The following MDM4 variants were observed in gnomAD, a reference collection of about 807,000 sequenced individuals.
MDM4 encodes protein Mdm4.
MDM4 carries 2 observed loss-of-function variants against 60.2 expected under a neutral mutation model. The ratio of observed to expected loss-of-function variants is 0.03; its 90% CI spans 0.01 to 0.10. The LOEUF (loss-of-function observed/expected upper bound fraction) is 0.10. Among genes scored for constraint, MDM4 ranks in the 10% least tolerant of loss-of-function variants. The pLI, the probability that MDM4 is intolerant of heterozygous loss-of-function variation, is 1.00. For missense variants in MDM4, 447 were observed against 577.5 expected (o/e 0.77, Z 2.32); for synonymous variants, 202 against 198.1 (o/e 1.02, Z -0.17).
At chr1:204,546,758 C>T in intron 9 of MDM4, 39 bp from the exon 10 acceptor site, 2 of 1,393,936 alleles carry the variant, frequency 1.4e-6, no homozygotes, top group South Asian at 1.2e-5. Context: ...TCATCTAAAA[C>T]AAGTAAACAT....
At position 204,557,035 on chromosome 1, in the gene MDM4, C is replaced by T. The variant is rs1032470437; in HGVS notation, c.*7353C>T. The T allele has an allele frequency of 1.5e-5, 3 of 204,818 alleles. No individual in the cohort carries two copies. Among genetic ancestry groups the T allele is most frequent in the African/African-American group, 4.6e-5 (2 of 43,664 alleles). The allele number at this position is 204,818 out of a possible 1,614,324, so 12.7% of individuals were successfully genotyped here. A position where few individuals can be genotyped will look rare whatever the true frequency, so the allele number is the denominator to read the frequency against. On this transcript the variant is annotated 3_prime_UTR_variant, in exon 11 of 11. Coordinates refer to ENST00000367182, the MANE Select transcript of MDM4 (RefSeq NM_002393.5). ...TCATATATAAAAAGCAGTATACATA[C>T]CTACCCTTTTCTACCTCATCATTTG...
rs1292165369 is a variant in MDM4, at chr1:204,552,810, T to TA, written c.*3129dup. ...ACTAAGTACTTAGACGATCCTAAGA[T>TA]ATGTGCTTGAGCCGAATTTCATCTT... On this transcript the variant is annotated 3_prime_UTR_variant, in exon 11 of 11. Coordinates refer to ENST00000367182, the MANE Select transcript of MDM4 (RefSeq NM_002393.5). The TA allele has an allele frequency of 5.5e-6, 1 of 182,420 alleles. No homozygotes were observed. Among genetic ancestry groups the TA allele is most frequent in the Non-Finnish European group, 1.2e-5 (1 of 85,610 alleles). 11.3% of individuals were successfully genotyped at this position (182,420 alleles called of 1,614,324 possible).
At chr1:204,543,553 C>G (rs1193720437) in intron 8 of MDM4, among the ~76,000 whole-genome samples, 2 of 152,168 alleles carry the variant, frequency 1.3e-5, no homozygotes, top group Non-Finnish European at 2.9e-5. Flanking sequence ...ACACTGTTCC[C>G]CCACATTCTT....
chr1:204,531,828 G>A (rs1310217073), intron 4 of MDM4, among the ~76,000 whole-genome samples: 2 of 151,330 alleles, frequency 1.3e-5, no homozygotes, highest in Admixed American at 6.6e-5. Flanking sequence ...GCAAAACTCC[G>A]TCTCCAAAAA....
chr1:204,533,872 T>G (rs1270203819), intron 5 of MDM4, among the ~76,000 whole-genome samples: 1 of 151,356 alleles, frequency 6.6e-6, no homozygotes, highest in Non-Finnish European at 1.5e-5. Context: ...AGCCTTTACC[T>G]CCTGGGCTTA....
At chr1:204,525,742 G>C in intron 2 of MDM4, 146 bp downstream of exon 2, 1 of 605,352 alleles carries the variant, frequency 1.7e-6, no homozygotes, top group Non-Finnish European at 2.9e-6. Context: ...GACCAGCCTT[G>C]GCAACATAGT....
At chr1:204,537,883 C>T (rs546953825) in intron 6 of MDM4, 12 of 672,412 alleles carry the variant, frequency 1.8e-5, no homozygotes, top group African/African-American at 8.8e-5. Context: ...CATCTTGGTA[C>T]GTGGCGAGGG....
At chr1:204,539,074 G>A (rs1428876657) in intron 7 of MDM4, among the ~76,000 whole-genome samples, 1 of 152,024 alleles carries the variant, frequency 6.6e-6, no homozygotes, top group East Asian at 1.9e-4. Flanking sequence ...TCCCCACGTT[G>A]GTTAGGCTGG....
chr1:204,518,770 AT>A (rs1659252410), intron 1 of MDM4, among the ~76,000 whole-genome samples: 1 of 152,190 alleles, frequency 6.6e-6, no homozygotes, highest in African/African-American at 2.4e-5. Context: ...GGTTCAAGCT[AT>A]TCTTCTGCCG....
At chr1:204,540,250 A>G (rs1197203526) in intron 7 of MDM4, among the ~76,000 whole-genome samples, 1 of 149,276 alleles carries the variant, frequency 6.7e-6, no homozygotes, top group Non-Finnish European at 1.5e-5. Context: ...GTGCCACTGC[A>G]CTCCAGCCTG....
chr1:204,540,461 AC>A (rs1011732513), intron 7 of MDM4, among the ~76,000 whole-genome samples: 2 of 151,584 alleles, frequency 1.3e-5, no homozygotes, highest in Non-Finnish European at 2.9e-5. Flanking sequence ...TTTCCCCAAA[AC>A]TCTAAAAAAC....
At chr1:204,545,805 G>A (rs1662600551) in intron 9 of MDM4, among the ~76,000 whole-genome samples, 1 of 152,154 alleles carries the variant, frequency 6.6e-6, no homozygotes, top group Non-Finnish European at 1.5e-5. Flanking sequence ...GGGGTCACAG[G>A]CATGTGCAGC....
At chr1:204,534,207 G>A (rs1228828318) in intron 5 of MDM4, among the ~76,000 whole-genome samples, 4 of 152,172 alleles carry the variant, frequency 2.6e-5, no homozygotes, top group Non-Finnish European at 5.9e-5. Flanking sequence ...TGAGTCATAT[G>A]CCCACTTCAC....
chr1:204,555,503 T>C lies in MDM4; in HGVS notation c.*5821T>C, dbSNP rs954401693. On this transcript the variant is annotated 3_prime_UTR_variant, in exon 11 of 11. Coordinates refer to ENST00000367182, the MANE Select transcript of MDM4 (RefSeq NM_002393.5). ...GAGGGTCAAGGATACCTAAAAAGGGTCAAATAATGCTAGAAGAGCAATTCC... is the reference window on the plus strand; with the variant it reads ...GAGGGTCAAGGATACCTAAAAAGGGCCAAATAATGCTAGAAGAGCAATTCC... 1 of 169,614 alleles carries C rather than the reference T, an allele frequency of 5.9e-6. No homozygotes were observed. The highest frequency in any genetic ancestry group is 2.4e-5 in the African/African-American group (1 of 41,900). 10.5% of individuals were successfully genotyped at this position (169,614 alleles called of 1,614,324 possible). A position where few individuals can be genotyped will look rare whatever the true frequency, so the allele number is the denominator to read the frequency against.
intron 7 of MDM4, among the ~76,000 whole-genome samples, chr1:204,540,326 T>G (rs926094195): frequency 6.6e-5 from 10 of 151,812 alleles, no homozygotes; most frequent in Non-Finnish European, 1.5e-5. Flanking sequence ...ATCCCCAGGA[T>G]ATCTCATTAT....
At chr1:204,539,301 T>C (rs1462681230) in intron 7 of MDM4, among the ~76,000 whole-genome samples, 1 of 151,766 alleles carries the variant, frequency 6.6e-6, no homozygotes, top group Non-Finnish European at 1.5e-5. Flanking sequence ...TTTACACATT[T>C]TGAAGTTTGC....
intron 7 of MDM4, among the ~76,000 whole-genome samples, chr1:204,538,536 C>T (rs1661649809): frequency 6.6e-6 from 1 of 152,084 alleles, no homozygotes; most frequent in Non-Finnish European, 1.5e-5. Context: ...CATGAGCTAG[C>T]ATGCTACTAG....
At chr1:204,542,478 A>G (rs1388396201) in intron 7 of MDM4, among the ~76,000 whole-genome samples, 1 of 152,156 alleles carries the variant, frequency 6.6e-6, no homozygotes, top group Non-Finnish European at 1.5e-5. Flanking sequence ...TTTTAGCACA[A>G]GGTCATTGTT....
Position 204,528,725 on chromosome 1 carries a change from A to G in MDM4, c.154-1959A>G. 3 of 674,582 alleles carry G rather than the reference A, an allele frequency of 4.4e-6. No homozygotes were observed. In the South Asian group the frequency reaches 5.2e-5, roughly 12 times the overall value. 41.8% of individuals were successfully genotyped at this position (674,582 alleles called of 1,614,324 possible). A position where few individuals can be genotyped will look rare whatever the true frequency, so the allele number is the denominator to read the frequency against. On this transcript the variant is annotated intron_variant, in intron 3 of 10. Coordinates refer to ENST00000367182, the MANE Select transcript of MDM4 (RefSeq NM_002393.5). ...CCTCTTTTGGAACAGTGTTGCATCA[A>G]GCAAGGGAGAATGTTCTTCTAGAGG...
Sources: gnomAD v4.1 joint callset for allele counts (sites outside exome capture counted in the v4.1 genomes callset) on GRCh38, gnomAD v4.1.1 for gene constraint, MANE v1.5 for transcripts, NCBI Gene and HGNC (gene_info 2026-07-23, HGNC 2026-07-21) for gene names.